The following NEK10 variants were observed in gnomAD, a reference collection of about 807,000 sequenced individuals.
The protein encoded by NEK10 is serine/threonine-protein kinase Nek10.
Under a neutral mutation model 159.8 loss-of-function variants are expected in NEK10, and 122 were observed. The observed-to-expected ratio is 0.76, with a 90% CI of 0.66 to 0.89. The LOEUF is 0.89. Ranked by LOEUF, NEK10 falls within the 40% of genes least tolerant of loss-of-function variation. The probability of loss-of-function intolerance (pLI) is 0.00; values close to 1 mark genes in which losing one functional copy is unlikely to be tolerated. For synonymous variants in NEK10, 466 were observed against 457.1 expected, an observed-to-expected ratio of 1.02 and a Z score of -0.25; for missense variants, 1,342 against 1,323.1, an observed-to-expected ratio of 1.01 and a Z score of -0.22.
chr3:27,271,627 CAG>C (rs1189732596), intron 22 of NEK10, among the ~76,000 whole-genome samples: 1 of 152,108 alleles, frequency 6.6e-6, no homozygotes, highest in Admixed American at 6.5e-5. Context: ...CATAAAAACA[CAG>C]AGAGTTGAGA....
chr3:27,202,700 A>C (rs1422233608), intron 23 of NEK10, 143 bp from the exon 24 acceptor site: 2 of 1,167,264 alleles, frequency 1.7e-6, no homozygotes, highest in African/African-American at 3.1e-5. Context: ...GATATCAAAA[A>C]GTCTGTTTGA....
chr3:27,316,483 C>T (rs910017779), intron 6 of NEK10, among the ~76,000 whole-genome samples: 4 of 151,748 alleles, frequency 2.6e-5, no homozygotes, highest in Non-Finnish European at 4.4e-5. Flanking sequence ...ACTGCAGTGC[C>T]GCAGGCCCAG....
chr3:27,281,344 C>T (rs201896067), intron 22 of NEK10, among the ~76,000 whole-genome samples: 34 of 152,032 alleles, frequency 2.2e-4, no homozygotes, highest in African/African-American at 6.5e-4. Context: ...GAAGAGCACA[C>T]GTGGCTACAG....
intron 30 of NEK10, among the ~76,000 whole-genome samples, chr3:27,151,478 A>C (rs1203536724): frequency 1.3e-5 from 2 of 152,124 alleles, no homozygotes; most frequent in African/African-American, 4.8e-5. Flanking sequence ...TCAAGGGAAC[A>C]CCCCATGGGA....
intron 6 of NEK10, among the ~76,000 whole-genome samples, chr3:27,316,080 G>C (rs752767201): frequency 6.6e-5 from 10 of 152,188 alleles, no homozygotes; most frequent in Non-Finnish European, 1.3e-4. Context: ...GAAAATTAGG[G>C]TGGATTCACA....
intron 12 of NEK10, among the ~76,000 whole-genome samples, chr3:27,302,083 G>A (rs1225094528): frequency 6.6e-6 from 1 of 152,052 alleles, no homozygotes; most frequent in African/African-American, 2.4e-5. Context: ...GGCCACCTTT[G>A]TTTTTGAATT....
chr3:27,185,591 A>G (rs1339738969), intron 26 of NEK10, among the ~76,000 whole-genome samples: 1 of 152,176 alleles, frequency 6.6e-6, no homozygotes, highest in Admixed American at 6.5e-5. Context: ...TGGATTTTGC[A>G]CTTGCCTCGT....
At chr3:27,353,157 G>A (rs1475659869) in intron 1 of NEK10, among the ~76,000 whole-genome samples, 1 of 152,118 alleles carries the variant, frequency 6.6e-6, no homozygotes, top group African/African-American at 2.4e-5. Flanking sequence ...GGGTTTGCCA[G>A]TAGACAAAGA....
Position 27,219,598 on chromosome 3 carries a change from G to A in NEK10, c.2091-17041C>T, listed in dbSNP as rs182376177. ...GTTTTCTTTTCTACTTTTGGGTTGA[G>A]CTTGTCTGGGTTGGCAAGAGATTTT... On this transcript the variant is annotated intron_variant, in intron 23 of 35. Transcript: ENST00000691995. Among the ~76,000 whole-genome samples the A allele has an allele frequency of 3.3e-5, 5 of 152,296 alleles. No individual in the cohort carries two copies. The East Asian group carries it at 9.6e-4, about 29-fold the overall frequency.
At chr3:27,281,356 C>A (rs769120037) in intron 22 of NEK10, among the ~76,000 whole-genome samples, 1 of 151,802 alleles carries the variant, frequency 6.6e-6, no homozygotes, top group Non-Finnish European at 1.5e-5. Context: ...TGGCTACAGA[C>A]ACATTGAATT....
chr3:27,183,175 T>A (rs935138648), intron 26 of NEK10, among the ~76,000 whole-genome samples: 1 of 151,904 alleles, frequency 6.6e-6, no homozygotes, highest in Non-Finnish European at 1.5e-5. Context: ...TGTATCAAAA[T>A]TTCACATGTA....
At chr3:27,351,195 TA>T (rs36087233) in intron 3 of NEK10, among the ~76,000 whole-genome samples, 14,853 of 152,076 alleles carry the variant, frequency 0.098, 1,605 homozygotes, top group African/African-American at 0.27. Context: ...GAAAGAAATT[TA>T]GGAGAAGGAA....
chr3:27,115,986 C>G lies in NEK10; in HGVS notation c.3253G>C (p.Glu1085Gln). 1 of 1,613,076 alleles carries G rather than the reference C, an allele frequency of 6.2e-7. No homozygotes were observed. Among genetic ancestry groups the G allele is most frequent in the South Asian group, 1.1e-5 (1 of 91,036 alleles). ...ITYEQMQTVI[E>Q]EVLEESGYYN... ...TAGCCACTTTCCTCAAGGACTTCTTCAATCACAGTCTAAAATTTTAAAAAT... is the reference window on the plus strand; with the variant it reads ...TAGCCACTTTCCTCAAGGACTTCTTGAATCACAGTCTAAAATTTTAAAAAT... Residue 1085 changes from glutamate to glutamine, a missense_variant, in exon 35 of 36, where the codon GAA becomes CAA. Physicochemically the swap from Glu to Gln is conservative, Grantham distance 29. Transcript: ENST00000691995.
intron 22 of NEK10, among the ~76,000 whole-genome samples, chr3:27,257,598 CT>C (rs1266562177): frequency 6.6e-6 from 1 of 152,104 alleles, no homozygotes. Context: ...AATTCAGCCA[CT>C]TACATGAATT....
Position 27,257,889 on chromosome 3 carries a change from C to T in NEK10, c.2015-1518G>A, listed in dbSNP as rs578169347. Among the ~76,000 whole-genome samples the T allele has an allele frequency of 2.3e-4, 35 of 150,880 alleles. 3 individuals are homozygous for T. The highest frequency in any genetic ancestry group is 6.8e-3 in the Middle Eastern group (2 of 292). ...CTGCAAGCTCTGCCTGCCGGGTTCA[C>T]GCCATTCTCCTGCCTCAGCCTCCCA... On this transcript the variant is annotated intron_variant, in intron 22 of 35. Transcript: ENST00000691995.
At chr3:27,141,700 C>T in intron 30 of NEK10, 118 bp from the exon 31 acceptor site, 1 of 672,138 alleles carries the variant, frequency 1.5e-6, no homozygotes, top group Non-Finnish European at 2.6e-6. Flanking sequence ...ATCAATGAGA[C>T]AATATGCAGA....
At chr3:27,342,592 T>A (rs924654356) in intron 5 of NEK10, among the ~76,000 whole-genome samples, 5 of 152,206 alleles carry the variant, frequency 3.3e-5, no homozygotes, top group African/African-American at 1.2e-4. Context: ...GCCAGTAACT[T>A]CATCCAGCCT....
chr3:27,256,433 AGC>A, intron 22 of NEK10, 62 bp from the exon 23 acceptor site: 1 of 968,876 alleles, frequency 1.0e-6, no homozygotes, highest in Non-Finnish European at 1.5e-6. Context: ...ATTGTTCCTT[AGC>A]ATTTGACAAT....
chr3:27,347,650 T>C (rs897220222), intron 3 of NEK10, among the ~76,000 whole-genome samples: 3 of 152,130 alleles, frequency 2.0e-5, no homozygotes, highest in Non-Finnish European at 4.4e-5. Context: ...TCCTTTTTTA[T>C]CATATGCCAG....
Sources: allele counts gnomAD v4.1 joint callset (sites outside exome capture counted in the v4.1 genomes callset), GRCh38; gene constraint gnomAD v4.1.1; transcripts MANE v1.5; gene names NCBI Gene and HGNC (gene_info 2026-07-23, HGNC 2026-07-21).